Variants in NELL1 observed in about 807,000 individuals in gnomAD.
NELL1 encodes neural EGFL like 1.
A neutral mutation model predicts 107.4 loss-of-function variants in NELL1; 76 were observed. That is an observed-to-expected ratio of 0.71 (90% CI 0.59 to 0.86). NELL1 has a LOEUF of 0.86. Among genes scored for constraint, NELL1 ranks in the 40% least tolerant of loss-of-function variants. The pLI is 0.00. For synonymous variants in NELL1, 353 were observed against 341.2 expected, an observed-to-expected ratio of 1.03 and a Z score of -0.38; for missense variants, 1,024 against 1,005.5, an observed-to-expected ratio of 1.02 and a Z score of -0.25.
intron 15 of NELL1, among the ~76,000 whole-genome samples, chr11:21,510,976 T>C (rs994376985): frequency 6.6e-6 from 1 of 152,234 alleles, no homozygotes; most frequent in Non-Finnish European, 1.5e-5. Flanking sequence ...GCTCCTTCAA[T>C]TTCCAGCTGT....
At chr11:21,398,533 C>T (rs2133793127) in intron 15 of NELL1, among the ~76,000 whole-genome samples, 1 of 151,654 alleles carries the variant, frequency 6.6e-6, no homozygotes, top group Non-Finnish European at 1.5e-5. Flanking sequence ...AGAATGAAGT[C>T]AGGAGGAGGA....
chr11:21,017,996 T>C (rs1206486244), intron 12 of NELL1, among the ~76,000 whole-genome samples: 1 of 152,088 alleles, frequency 6.6e-6, no homozygotes, highest in African/African-American at 2.4e-5. Context: ...TCTTTGCTGT[T>C]GCTATTCCAT....
At chr11:20,697,024 C>T (rs1463226429) in intron 2 of NELL1, among the ~76,000 whole-genome samples, 1 of 152,124 alleles carries the variant, frequency 6.6e-6, no homozygotes, top group East Asian at 1.9e-4. Flanking sequence ...TCTGTTTACA[C>T]ATCCAGTTAG....
chr11:20,736,044 G>A (rs1449441738), intron 2 of NELL1, among the ~76,000 whole-genome samples: 1 of 152,118 alleles, frequency 6.6e-6, no homozygotes. Flanking sequence ...GGAGGAAAGG[G>A]AGAGGATAAT....
chr11:20,892,330 A>G (rs12799170), intron 5 of NELL1, among the ~76,000 whole-genome samples: 1 of 152,244 alleles, frequency 6.6e-6, no homozygotes, highest in Admixed American at 6.5e-5. Context: ...GAACAAAGAG[A>G]CAATGTACCA....
intron 15 of NELL1, among the ~76,000 whole-genome samples, chr11:21,386,187 A>G (rs1355258904): frequency 6.6e-6 from 1 of 151,652 alleles, no homozygotes; most frequent in Non-Finnish European, 1.5e-5. Flanking sequence ...CCCCGCCAAA[A>G]AAAAACCCTT....
chr11:20,763,510 C>A (rs1192242476), intron 2 of NELL1, among the ~76,000 whole-genome samples: 1 of 152,130 alleles, frequency 6.6e-6, no homozygotes, highest in Non-Finnish European at 1.5e-5. Context: ...TATTAAATAT[C>A]ACCCAGATAC....
chr11:21,113,799 C>G, intron 13 of NELL1, 85 bp downstream of exon 13: 3 of 1,388,400 alleles, frequency 2.2e-6, no homozygotes, highest in Non-Finnish European at 2.0e-6. Context: ...TCCTAGTGCA[C>G]AAAGTACTAT....
intron 12 of NELL1, among the ~76,000 whole-genome samples, chr11:21,000,544 C>T (rs1213589262): frequency 6.6e-6 from 1 of 152,134 alleles, no homozygotes; most frequent in Non-Finnish European, 1.5e-5. Context: ...AAAGACAAAG[C>T]CAGCTTTAAG....
At chr11:20,709,229 G>A (rs1419801431) in intron 2 of NELL1, among the ~76,000 whole-genome samples, 2 of 152,060 alleles carry the variant, frequency 1.3e-5, no homozygotes, top group African/African-American at 2.4e-5. Context: ...GGAGAGAGAC[G>A]AGGATCCAGT....
chr11:21,173,745 A>C (rs1329330895), intron 13 of NELL1, among the ~76,000 whole-genome samples: 1 of 150,984 alleles, frequency 6.6e-6, no homozygotes, highest in East Asian at 1.9e-4. Flanking sequence ...TGATATGTAG[A>C]GGTATGTGTG....
intron 14 of NELL1, among the ~76,000 whole-genome samples, chr11:21,232,431 T>A (rs1858088136): frequency 6.6e-6 from 1 of 152,026 alleles, no homozygotes; most frequent in Non-Finnish European, 1.5e-5. Flanking sequence ...TTTTAAACTG[T>A]AAAATGCTAT....
At chr11:20,836,072 A>C (rs1358651986) in intron 3 of NELL1, among the ~76,000 whole-genome samples, 2 of 152,144 alleles carry the variant, frequency 1.3e-5, no homozygotes, top group African/African-American at 4.8e-5. Context: ...AACAATTGAA[A>C]CTCAACAATA....
intron 12 of NELL1, among the ~76,000 whole-genome samples, chr11:20,981,982 TTCTC>T (rs944998189): frequency 5.6e-5 from 7 of 125,366 alleles, no homozygotes; most frequent in Admixed American, 5.2e-4. Context: ...CTCTCTCTCT[TTCTC>T]TCTCTTTCTC....
intron 12 of NELL1, among the ~76,000 whole-genome samples, chr11:21,090,523 G>T (rs1335551187): frequency 6.6e-6 from 1 of 152,116 alleles, no homozygotes; most frequent in African/African-American, 2.4e-5. Flanking sequence ...TGAGATTTGG[G>T]CTCGGCTCTG....
chr11:21,321,654 A>T (rs1850013855), intron 14 of NELL1, among the ~76,000 whole-genome samples: 1 of 152,184 alleles, frequency 6.6e-6, no homozygotes, highest in African/African-American at 2.4e-5. Context: ...GAGTATTTCC[A>T]TTACTTCCAT....
chr11:21,029,379 T>C (rs17298677), intron 12 of NELL1, among the ~76,000 whole-genome samples: 18,538 of 152,130 alleles, frequency 0.12, 1,362 homozygotes, highest in South Asian at 0.19. Context: ...TTGGTGTCTG[T>C]GTAACACACT....
chr11:20,907,232 C>CAAAA (rs5790146), intron 5 of NELL1, among the ~76,000 whole-genome samples: 57,482 of 124,422 alleles, frequency 0.46, 16,197 homozygotes, highest in Non-Finnish European at 0.65. Flanking sequence ...GACTCCATCT[C>CAAAA]AAAAAAAAAA....
At chr11:21,499,888 A>G (rs1034806957) in intron 15 of NELL1, among the ~76,000 whole-genome samples, 1 of 152,114 alleles carries the variant, frequency 6.6e-6, no homozygotes, top group African/African-American at 2.4e-5. Context: ...GGATAAGAGT[A>G]TATGTCAACA....
Sources: gnomAD v4.1 joint callset for allele counts (sites outside exome capture counted in the v4.1 genomes callset) on GRCh38, gnomAD v4.1.1 for gene constraint, MANE v1.5 for transcripts, NCBI Gene and HGNC (gene_info 2026-07-23, HGNC 2026-07-21) for gene names.